GPC5: variants seen among roughly 807,000 people sequenced by gnomAD.
GPC5 encodes the protein glypican-5.
Under a neutral mutation model 53.9 loss-of-function variants are expected in GPC5, and 47 were observed. The ratio of observed to expected loss-of-function variants is 0.87; its 90% confidence interval spans 0.69 to 1.11. GPC5 has a LOEUF of 1.11. Among genes scored for constraint, GPC5 ranks in the 50% most tolerant of loss-of-function variants. The pLI is 0.00. For missense variants in GPC5, 748 were observed against 713.1 expected (o/e 1.05, Z -0.56); for synonymous variants, 286 against 263.3 (o/e 1.09, Z -0.84).
At chr13:92,712,060 G>A (rs1888158197) in intron 7 of GPC5, among the ~76,000 whole-genome samples, 1 of 150,570 alleles carries the variant, frequency 6.6e-6, no homozygotes, top group South Asian at 2.1e-4. Context: ...GTATAAAGCA[G>A]AAATTAATGA....
intron 7 of GPC5, among the ~76,000 whole-genome samples, chr13:92,261,117 C>A (rs1369210176): frequency 1.3e-5 from 2 of 152,034 alleles, no homozygotes; most frequent in Admixed American, 6.6e-5. Flanking sequence ...ATTAGAAAGT[C>A]ATTAAATTAC....
chr13:91,683,105 T>A (rs1372425429), intron 2 of GPC5, among the ~76,000 whole-genome samples: 1 of 151,868 alleles, frequency 6.6e-6, no homozygotes, highest in East Asian at 1.9e-4. Flanking sequence ...TTATCCTGAA[T>A]TATCTGGGTG....
At chr13:92,208,011 G>A (rs140475823) in intron 7 of GPC5, among the ~76,000 whole-genome samples, 11 of 152,276 alleles carry the variant, frequency 7.2e-5, no homozygotes, top group South Asian at 2.1e-4. Context: ...AGCCTCTGTC[G>A]TTCTTGTTAG....
chr13:92,729,294 C>T (rs1252304676), intron 7 of GPC5, among the ~76,000 whole-genome samples: 1 of 151,274 alleles, frequency 6.6e-6, no homozygotes, highest in Non-Finnish European at 1.5e-5. Context: ...ATATCAACCC[C>T]TAGATCCACG....
chr13:91,728,636 C>T lies in GPC5; in HGVS notation c.1125C>T (p.Asn375=). 6.2e-7 allele frequency: 1 copy of T among 1,612,444 alleles called. No homozygotes were observed. The highest frequency in any genetic ancestry group is 8.5e-7 in the Non-Finnish European group (1 of 1,179,008). ...ATGGAATGAAGACCACCACAAGGAA[C>T]AGTGAAGAGACGCTTGCCAACAGAA... ...EKHGMKTTTR[N]SEETLANRRK... Residue 375 remains asparagine (N), a synonymous_variant, in exon 4 of 8, where the codon AAC becomes AAT. Transcript: ENST00000377067.
At chr13:92,680,275 C>T (rs1887073699) in intron 7 of GPC5, among the ~76,000 whole-genome samples, 1 of 152,128 alleles carries the variant, frequency 6.6e-6, no homozygotes, top group African/African-American at 2.4e-5. Flanking sequence ...CTTAATTTTC[C>T]TGCCATGTCA....
intron 6 of GPC5, among the ~76,000 whole-genome samples, chr13:92,126,395 T>C (rs965791896): frequency 1.4e-4 from 21 of 152,300 alleles, no homozygotes; most frequent in African/African-American, 5.1e-4. Flanking sequence ...TACAAGTAAA[T>C]AGATGTCTTG....
chr13:92,699,391 T>C (rs757643632), intron 7 of GPC5, among the ~76,000 whole-genome samples: 9 of 150,918 alleles, frequency 6.0e-5, no homozygotes, highest in South Asian at 2.2e-4. Context: ...CCTGGATTCA[T>C]TGAGTTTTTG....
chr13:91,653,390 G>T (rs548375355), intron 2 of GPC5, among the ~76,000 whole-genome samples: 1 of 152,148 alleles, frequency 6.6e-6, no homozygotes, highest in South Asian at 2.1e-4. Flanking sequence ...GGGTAGTAGG[G>T]GTGTAGAGGG....
At chr13:91,771,896 A>G (rs1594548128) in intron 5 of GPC5, among the ~76,000 whole-genome samples, 1 of 152,238 alleles carries the variant, frequency 6.6e-6, no homozygotes, top group East Asian at 1.9e-4. Context: ...AAGAGCAAAT[A>G]AAAATCTGTT....
At chr13:91,602,287 T>C (rs762338113) in intron 2 of GPC5, among the ~76,000 whole-genome samples, 1 of 152,242 alleles carries the variant, frequency 6.6e-6, no homozygotes, top group Non-Finnish European at 1.5e-5. Context: ...AGTGAATCAT[T>C]ACTTATGCTG....
chr13:91,872,583 C>T (rs933421976), intron 5 of GPC5, among the ~76,000 whole-genome samples: 1 of 151,826 alleles, frequency 6.6e-6, no homozygotes, highest in Non-Finnish European at 1.5e-5. Context: ...TATATAGGCA[C>T]ATTATATGCA....
At chr13:91,718,246 G>A (rs1156497941) in intron 3 of GPC5, among the ~76,000 whole-genome samples, 2 of 152,070 alleles carry the variant, frequency 1.3e-5, no homozygotes, top group Non-Finnish European at 2.9e-5. Flanking sequence ...GAGTAGCTGG[G>A]ACTACAGGCG....
intron 7 of GPC5, among the ~76,000 whole-genome samples, chr13:92,392,920 G>GA (rs898916130): frequency 1.2e-4 from 18 of 152,214 alleles, no homozygotes; most frequent in African/African-American, 3.6e-4. Flanking sequence ...TGAGCTTGCA[G>GA]AAAAAAGGGA....
intron 7 of GPC5, among the ~76,000 whole-genome samples, chr13:92,502,926 C>A (rs770823740): frequency 2.0e-5 from 3 of 151,834 alleles, no homozygotes; most frequent in Admixed American, 2.0e-4. Flanking sequence ...TCACCAAGAG[C>A]GCCCATATTC....
intron 7 of GPC5, among the ~76,000 whole-genome samples, chr13:92,336,613 T>C (rs1319570093): frequency 6.6e-6 from 1 of 152,194 alleles, no homozygotes. Context: ...AATAGTTACA[T>C]ATTACACATT....
intron 7 of GPC5, among the ~76,000 whole-genome samples, chr13:92,424,470 T>C (rs958138458): frequency 2.0e-5 from 3 of 152,082 alleles, no homozygotes; most frequent in African/African-American, 7.2e-5. Flanking sequence ...AGTATTCTCC[T>C]CTTTATTCTA....
chr13:92,650,502 A>G (rs1885922526), intron 7 of GPC5, among the ~76,000 whole-genome samples: 1 of 152,152 alleles, frequency 6.6e-6, no homozygotes, highest in South Asian at 2.1e-4. Context: ...TTGTGTTATG[A>G]ATACTAGTAC....
Position 91,787,999 on chromosome 13 carries a change from C to CT in GPC5, c.1280+31587dup, listed in dbSNP as rs754101929. ...CCATTTTATCTCCTGAGGGTGAGAG[C>CT]TTTTTTTTAAAGCTATAATTTCTGA... On this transcript the variant is annotated intron_variant, in intron 5 of 7. Coordinates refer to ENST00000377067, the MANE Select transcript of GPC5 (RefSeq NM_004466.6). 3.3e-5 allele frequency among the ~76,000 whole-genome samples: 5 copies of CT among 151,866 alleles called. 1 individual carries two copies. The East Asian group carries it at 7.7e-4, about 23-fold the overall frequency.
Sources: allele counts gnomAD v4.1 joint callset (sites outside exome capture counted in the v4.1 genomes callset), GRCh38; gene constraint gnomAD v4.1.1; transcripts MANE v1.5; gene names NCBI Gene and HGNC (gene_info 2026-07-23, HGNC 2026-07-21).